Variants in SGO1 observed in about 807,000 individuals in gnomAD.
The protein encoded by SGO1 is serologically defined breast cancer antigen NY-BR-85.
SGO1 carries 39 observed loss-of-function variants against 50.5 expected under a neutral mutation model. That is an observed-to-expected ratio of 0.77 (90% CI 0.60 to 1.01). The LOEUF is 1.01. Among genes scored for constraint, SGO1 ranks in the 50% least tolerant of loss-of-function variants. SGO1 has a pLI of 0.00. For missense variants in SGO1, 638 were observed against 606.0 expected, an observed-to-expected ratio of 1.05 and a Z score of -0.55; for synonymous variants, 191 against 205.1, an observed-to-expected ratio of 0.93 and a Z score of 0.59.
chr3:20,172,104 C>T (rs1700807145), intron 6 of SGO1, among the ~76,000 whole-genome samples: 1 of 152,120 alleles, frequency 6.6e-6, no homozygotes, highest in African/African-American at 2.4e-5. Context: ...TTAATTATTC[C>T]AACTTTCAGT....
intron 8 of SGO1, among the ~76,000 whole-genome samples, chr3:20,162,109 T>A (rs1700069998): frequency 6.6e-6 from 1 of 152,090 alleles, no homozygotes; most frequent in Non-Finnish European, 1.5e-5. Context: ...GCTAGCAGAG[T>A]AATAGACGGG....
At chr3:20,170,840 G>T in intron 7 of SGO1, 25 bp from the exon 8 acceptor site, 1 of 1,579,198 alleles carries the variant, frequency 6.3e-7, no homozygotes, top group South Asian at 1.2e-5. Context: ...AGAGATCTCA[G>T]GCATAATGTA....
At chr3:20,166,131 T>C (rs183368678), downstream of SGO1, among the ~76,000 whole-genome samples, 151 of 151,800 alleles carry the variant, frequency 9.9e-4, no homozygotes, top group Non-Finnish European at 1.8e-3. Flanking sequence ...GAAGAGAAAA[T>C]AGACAAATTG....
intron 6 of SGO1, among the ~76,000 whole-genome samples, chr3:20,172,953 A>AAG (rs768688057): frequency 8.5e-5 from 13 of 152,156 alleles, no homozygotes; most frequent in Non-Finnish European, 1.6e-4. Context: ...GTGATAGAGC[A>AAG]AGACCCTGTC....
rs747302721 is a variant in SGO1, at chr3:20,183,965, T to A, written c.63A>T (p.Arg21=). Residue 21 remains arginine (R), a synonymous_variant, in exon 2 of 8, where the codon CGA becomes CGT. Transcript: ENST00000412997. ...FQDSLEDIKK[R]MKEKRNKNLA... is the part of the protein sequence containing the mutation. ...AGTTTTTATTCCTTTTCTCTTTCATTCGCTTCTTTATGTCTTCAAGACTAT... is the reference window on the plus strand; with the variant it reads ...AGTTTTTATTCCTTTTCTCTTTCATACGCTTCTTTATGTCTTCAAGACTAT... 2 of 1,612,836 alleles carry A rather than the reference T, an allele frequency of 1.2e-6. No individual in the cohort carries two copies. The highest frequency in any genetic ancestry group is 2.7e-5 in the African/African-American group (2 of 74,886).
At chr3:20,172,057 T>A (rs556078829) in intron 6 of SGO1, among the ~76,000 whole-genome samples, 1 of 152,384 alleles carries the variant, frequency 6.6e-6, no homozygotes, top group Admixed American at 6.5e-5. Flanking sequence ...TTTTATAGTC[T>A]GTCCTTTTTG....
rs532027594 is a variant in SGO1 at position 20,180,023 on chromosome 3, G to A, written c.340-1676C>T. 3.3e-5 allele frequency among the ~76,000 whole-genome samples: 5 copies of A among 152,270 alleles called. No homozygotes were observed. In the East Asian group the frequency reaches 5.8e-4, roughly 18 times the overall value. On this transcript the variant is annotated intron_variant, in intron 3 of 7. Transcript: ENST00000412997. Reference sequence around the variant, plus strand: ...GATTCAGAGTGGCTGCAGGCCAGGCGTGGTACCTCATGCCTGTAATCCTAG... The same window carrying A: ...GATTCAGAGTGGCTGCAGGCCAGGCATGGTACCTCATGCCTGTAATCCTAG...
chr3:20,163,767 A>G (rs1320358239), intron 8 of SGO1, among the ~76,000 whole-genome samples: 1 of 152,168 alleles, frequency 6.6e-6, no homozygotes, highest in East Asian at 1.9e-4. Flanking sequence ...AAAAGAGAGG[A>G]GGATAACTAC....
chr3:20,162,008 TGTG>T (rs1264891484), intron 8 of SGO1, among the ~76,000 whole-genome samples: 3 of 152,186 alleles, frequency 2.0e-5, no homozygotes, highest in African/African-American at 7.2e-5. Flanking sequence ...GTTTCAGAAT[TGTG>T]GGACAAGGAG....
chr3:20,173,724 C>A (rs953891240), intron 6 of SGO1, among the ~76,000 whole-genome samples: 3 of 152,126 alleles, frequency 2.0e-5, no homozygotes, highest in African/African-American at 7.2e-5. Flanking sequence ...TTGAACTATG[C>A]CTACTTTTGA....
intron 5 of SGO1, 124 bp from the exon 6 acceptor site, chr3:20,175,179 T>A: frequency 9.9e-7 from 1 of 1,012,358 alleles, no homozygotes; most frequent in Non-Finnish European, 1.3e-6. Context: ...TTTCCTACAT[T>A]ATAAAATCTG....
At chr3:20,173,476 CACTG>C (rs1701010844) in intron 6 of SGO1, among the ~76,000 whole-genome samples, 1 of 152,188 alleles carries the variant, frequency 6.6e-6, no homozygotes, top group African/African-American at 2.4e-5. Flanking sequence ...TGCCTGCTAC[CACTG>C]ACTAACTGGC....
chr3:20,174,051 T>G (rs1008068592), intron 6 of SGO1, among the ~76,000 whole-genome samples, 198 bp downstream of exon 6: 2 of 152,168 alleles, frequency 1.3e-5, no homozygotes, highest in African/African-American at 2.4e-5. Context: ...ATCTCTGAAT[T>G]AGGTCAGAGC....
intron 6 of SGO1, among the ~76,000 whole-genome samples, chr3:20,173,247 C>G (rs1700975879): frequency 6.6e-6 from 1 of 151,878 alleles, no homozygotes; most frequent in South Asian, 2.1e-4. Flanking sequence ...TTCTTTTTCT[C>G]CTGCCTCAGC....
rs1444773857 is a variant in SGO1 at position 20,169,490 on chromosome 3, A to T, written c.*1214T>A. 1.6e-5 allele frequency: 16 copies of T among 980,120 alleles called. No individual in the cohort carries two copies. The highest frequency in any genetic ancestry group is 6.1e-5 in the Admixed American group (1 of 16,274). The allele number at this position is 980,120 out of a possible 1,614,324, so 60.7% of individuals were successfully genotyped here. ...ATAGAAGGAAAGCAATCACTATCTT[A>T]TACAAACTTTATTGCTCTTTAAAAA... On this transcript the variant is annotated 3_prime_UTR_variant, in exon 8 of 8. Transcript: ENST00000412997.
In SGO1 at chr3:20,170,393, C is replaced by T. The variant is rs1005674919; in HGVS notation, c.*311G>A. The T allele has an allele frequency of 1.2e-4, 118 of 953,228 alleles. No individual in the cohort carries two copies. The highest frequency in any genetic ancestry group is 2.9e-4 in the South Asian group (6 of 20,614). 59.0% of individuals were successfully genotyped at this position (953,228 alleles called of 1,614,324 possible). ...AGCCTGGGCAACAAGAATGAAATTCCGCCTCCAAAAAAAAAAAAAGATATA... is the reference window on the plus strand; with the variant it reads ...AGCCTGGGCAACAAGAATGAAATTCTGCCTCCAAAAAAAAAAAAAGATATA... On this transcript the variant is annotated 3_prime_UTR_variant, in exon 8 of 8. Coordinates refer to ENST00000412997, the MANE Select transcript of SGO1 (RefSeq NM_001199251.3).
In SGO1 at chr3:20,180,869, G is replaced by A. The variant is rs536741190; in HGVS notation, c.340-2522C>T. On this transcript the variant is annotated intron_variant, in intron 3 of 7. Coordinates refer to ENST00000412997, the MANE Select transcript of SGO1 (RefSeq NM_001199251.3). ...AGGCCAGGTGTGGCGGCTTCTGCCT[G>A]TAATCCCAGCACATTGGGAGGCCAA... Among the ~76,000 whole-genome samples, 10 of 152,348 alleles carry A rather than the reference G, an allele frequency of 6.6e-5. No individual in the cohort carries two copies. The East Asian group carries it at 1.9e-3, about 29-fold the overall frequency.
chr3:20,170,904 A>G, intron 7 of SGO1, 89 bp from the exon 8 acceptor site: 1 of 1,500,570 alleles, frequency 6.7e-7, no homozygotes, highest in Non-Finnish European at 9.0e-7. Flanking sequence ...AAACACACCA[A>G]TTTTAAATGT....
At chr3:20,166,803 A>G (rs1700326693), downstream of SGO1, among the ~76,000 whole-genome samples, 1 of 137,786 alleles carries the variant, frequency 7.3e-6, no homozygotes, top group Non-Finnish European at 1.5e-5. Context: ...CCAGGAGTTT[A>G]AGACTGGCCT....
Sources: gnomAD v4.1 joint callset for allele counts (sites outside exome capture counted in the v4.1 genomes callset) on GRCh38, gnomAD v4.1.1 for gene constraint, MANE v1.5 for transcripts, NCBI Gene and HGNC (gene_info 2026-07-23, HGNC 2026-07-21) for gene names.